The following MTAP variants were observed in gnomAD, a reference collection of about 807,000 sequenced individuals.
MTAP encodes methylthioadenosine phosphorylase.
A neutral mutation model predicts 33.6 loss-of-function variants in MTAP; 33 were observed. That is an observed-to-expected ratio of 0.98 (90% CI 0.74 to 1.31). MTAP has a LOEUF of 1.31. MTAP is among the 40% of genes most tolerant of loss of function. The pLI, the probability that MTAP is intolerant of heterozygous loss-of-function variation, is 0.00. For synonymous variants in MTAP, 148 were observed against 125.7 expected (o/e 1.18, Z -1.19); for missense variants, 367 against 360.0 (o/e 1.02, Z -0.16).
chr9:21,922,078 G>T lies in MTAP; in HGVS notation c.148-8930G>T, dbSNP rs1320449687. ...ATATGGAAAACACTTGAAGCCGGTG[G>T]CCAACAGCTTCCCAATAAGGAGCTG... On this transcript the variant is annotated intron_variant, in intron 1 of 1. Coordinates refer to the MTAP transcript ENST00000577563. This position sits in a 1 kb window ranked among gnomAD's most constrained non-coding sequence, Gnocchi z 4.8. 6.6e-6 allele frequency among the ~76,000 whole-genome samples: 1 copy of T among 152,046 alleles called. No individual in the cohort carries two copies. Among genetic ancestry groups the T allele is most frequent in the Non-Finnish European group, 1.5e-5 (1 of 68,016 alleles).
chr9:21,823,093 C>G (rs1185597738), intron 4 of MTAP, among the ~76,000 whole-genome samples: 1 of 152,156 alleles, frequency 6.6e-6, no homozygotes, highest in East Asian at 1.9e-4. Flanking sequence ...ATTTGCCAGT[C>G]TGTGTCTTTT....
At chr9:21,815,258 A>G (rs1055339077) in intron 1 of MTAP, among the ~76,000 whole-genome samples, 175 bp from the exon 2 acceptor site, 9 of 152,182 alleles carry the variant, frequency 5.9e-5, no homozygotes, top group Non-Finnish European at 1.2e-4. Flanking sequence ...GTTGATTTTT[A>G]TGGAAGGCTT....
intron 1 of MTAP, chr9:21,893,389 A>G (rs1310641072): frequency 6.6e-6 from 1 of 152,240 alleles, no homozygotes; most frequent in Non-Finnish European, 1.5e-5. Context: ...GAGAAAAGAA[A>G]TAACCAAAAT....
chr9:21,872,785 T>A (rs759591622), intron 1 of MTAP, among the ~76,000 whole-genome samples: 19 of 152,180 alleles, frequency 1.2e-4, no homozygotes, highest in Non-Finnish European at 2.2e-4. Flanking sequence ...TAGAAACAAT[T>A]AACTGTAGAC....
At chr9:21,810,652 A>G (rs1824322508) in intron 1 of MTAP, among the ~76,000 whole-genome samples, 2 of 152,340 alleles carry the variant, frequency 1.3e-5, no homozygotes, top group East Asian at 1.9e-4. Flanking sequence ...CATTCAAACC[A>G]TAACATGAGG....
chr9:21,920,333 T>C (rs1818767854), intron 1 of MTAP, among the ~76,000 whole-genome samples: 1 of 152,158 alleles, frequency 6.6e-6, no homozygotes, highest in Admixed American at 6.5e-5. Flanking sequence ...AGAGCTGTAA[T>C]TCCATTAGAG....
chr9:21,814,222 GT>G (rs961687656), intron 1 of MTAP, among the ~76,000 whole-genome samples: 2 of 151,874 alleles, frequency 1.3e-5, no homozygotes, highest in Non-Finnish European at 2.9e-5. Context: ...TGTGTGTTTT[GT>G]TTTTTTCAGG....
At chr9:21,914,107 C>T (rs939523582) in intron 1 of MTAP, among the ~76,000 whole-genome samples, 27 of 152,012 alleles carry the variant, frequency 1.8e-4, no homozygotes, top group Admixed American at 2.6e-4. Flanking sequence ...GTTAGAATGG[C>T]GATCATTAAA....
chr9:21,812,024 G>A (rs527449597), intron 1 of MTAP: 3 of 263,864 alleles, frequency 1.1e-5, no homozygotes, highest in South Asian at 4.3e-5. Flanking sequence ...CTACCATTAC[G>A]TAGCAACCAT....
chr9:21,901,808 C>G (rs946428904), intron 1 of MTAP, among the ~76,000 whole-genome samples: 2 of 152,110 alleles, frequency 1.3e-5, no homozygotes, highest in African/African-American at 4.8e-5. Flanking sequence ...CATCACAATA[C>G]AAATAAATTT....
chr9:21,870,849 C>T (rs536535524), downstream of MTAP, among the ~76,000 whole-genome samples: 2 of 149,680 alleles, frequency 1.3e-5, no homozygotes, highest in East Asian at 2.0e-4. Flanking sequence ...TCTCGGCTCA[C>T]TGCAACCTCT....
intron 1 of MTAP, among the ~76,000 whole-genome samples, chr9:21,806,946 C>T (rs763151014): frequency 1.3e-5 from 2 of 152,088 alleles, no homozygotes; most frequent in Non-Finnish European, 2.9e-5. Flanking sequence ...GGCAGATTAC[C>T]TGAGCTCAGA....
chr9:21,861,702 G>T, intron 7 of MTAP: 2 of 446,744 alleles, frequency 4.5e-6, no homozygotes, highest in East Asian at 8.0e-5. Flanking sequence ...GCTGGGGGCT[G>T]GTATGGCAAT....
intron 1 of MTAP, among the ~76,000 whole-genome samples, chr9:21,917,967 A>G (rs903788161): frequency 1.3e-5 from 2 of 152,212 alleles, no homozygotes; most frequent in African/African-American, 4.8e-5. Context: ...GGAGGTCATT[A>G]TTGTAAGTGA....
chr9:21,907,118 G>A (rs1422952693), intron 1 of MTAP, among the ~76,000 whole-genome samples: 1 of 152,232 alleles, frequency 6.6e-6, no homozygotes, highest in Non-Finnish European at 1.5e-5. Context: ...AATCCCAGAT[G>A]TTGAAGTCAT....
At chr9:21,910,824 A>G (rs1400143138) in intron 1 of MTAP, among the ~76,000 whole-genome samples, 5 of 152,144 alleles carry the variant, frequency 3.3e-5, no homozygotes, top group Admixed American at 6.5e-5. Flanking sequence ...CACCATATCT[A>G]TTAGCAACCA....
At chr9:21,934,808 C>T (rs574246235), downstream of MTAP, 11 of 152,054 alleles carry the variant, frequency 7.2e-5, no homozygotes, top group South Asian at 6.2e-4. The surrounding 1 kb of genome is among the most constrained non-coding windows in gnomAD (Gnocchi z 5.0). Context: ...TCAAGCGATT[C>T]TCCTACCTCA....
At chr9:21,927,574 T>A (rs1181812731) in intron 1 of MTAP, among the ~76,000 whole-genome samples, 3 of 152,182 alleles carry the variant, frequency 2.0e-5, no homozygotes, top group South Asian at 4.1e-4. Flanking sequence ...CCAGGAAGAC[T>A]TACAATATCA....
intron 1 of MTAP, among the ~76,000 whole-genome samples, chr9:21,875,201 G>A (rs561721994): frequency 2.0e-5 from 3 of 152,206 alleles, no homozygotes; most frequent in Non-Finnish European, 4.4e-5. Context: ...CCAGTAATGG[G>A]ATTGCTGGGT....
Sources: allele counts gnomAD v4.1 joint callset (sites outside exome capture counted in the v4.1 genomes callset), GRCh38; gene constraint gnomAD v4.1.1; non-coding constraint Gnocchi (gnomAD v3.1); transcripts MANE v1.5; gene names NCBI Gene and HGNC (gene_info 2026-07-23, HGNC 2026-07-21).